The following CNTNAP2 variants were observed in gnomAD, a reference collection of about 807,000 sequenced individuals.
CNTNAP2 encodes the protein contactin-associated protein-like 2.
Under a neutral mutation model 155.2 loss-of-function variants are expected in CNTNAP2, and 98 were observed. The observed-to-expected ratio is 0.63, with a 90% CI of 0.54 to 0.75. The LOEUF (loss-of-function observed/expected upper bound fraction) is 0.75. Among genes scored for constraint, CNTNAP2 ranks in the 30% least tolerant of loss-of-function variants. The probability of loss-of-function intolerance (pLI) is 0.00; values close to 1 mark genes in which losing one functional copy is unlikely to be tolerated. For missense variants in CNTNAP2, 1,727 were observed against 1,688.1 expected (o/e 1.02, Z -0.40); for synonymous variants, 651 against 631.2 (o/e 1.03, Z -0.47).
chr7:146,762,459 C>T (rs182120487), intron 1 of CNTNAP2, among the ~76,000 whole-genome samples: 81 of 152,066 alleles, frequency 5.3e-4, no homozygotes, highest in African/African-American at 1.8e-3. Context: ...ATTAGCCGGA[C>T]GTGGTGGCAC....
At chr7:147,063,008 C>T (rs189292981) in intron 4 of CNTNAP2, among the ~76,000 whole-genome samples, 3 of 152,238 alleles carry the variant, frequency 2.0e-5, no homozygotes, top group East Asian at 1.9e-4. Context: ...ACTGGAGTCA[C>T]GGAGCCAGAA....
intron 4 of CNTNAP2, among the ~76,000 whole-genome samples, chr7:147,095,089 G>A (rs1345815580): frequency 3.3e-5 from 5 of 151,810 alleles, no homozygotes; most frequent in Non-Finnish European, 5.9e-5. Flanking sequence ...GCGCAGTCTC[G>A]GCTCACTGCA....
At chr7:147,732,910 G>C (rs926876144) in intron 13 of CNTNAP2, among the ~76,000 whole-genome samples, 1 of 152,196 alleles carries the variant, frequency 6.6e-6, no homozygotes, top group Non-Finnish European at 1.5e-5. Context: ...ATTTGTTTGA[G>C]TTCTTTGTAG....
intron 1 of CNTNAP2, among the ~76,000 whole-genome samples, chr7:146,444,425 A>G (rs933568307): frequency 1.3e-5 from 2 of 152,186 alleles, no homozygotes; most frequent in Non-Finnish European, 2.9e-5. Context: ...CAGGTAATAC[A>G]TAGATACAGG....
chr7:148,228,716 TA>T (rs36170566), intron 19 of CNTNAP2, among the ~76,000 whole-genome samples: 64,130 of 150,344 alleles, frequency 0.43, 13,970 homozygotes, highest in Middle Eastern at 0.49. Context: ...TAGTCCCAGC[TA>T]CTGGGGATGC....
chr7:146,616,119 G>A (rs1031617804), intron 1 of CNTNAP2, among the ~76,000 whole-genome samples: 2 of 152,064 alleles, frequency 1.3e-5, no homozygotes, highest in Non-Finnish European at 2.9e-5. Context: ...AGAAGGAAGA[G>A]CACAAAGTCT....
intron 1 of CNTNAP2, among the ~76,000 whole-genome samples, chr7:146,430,951 T>C (rs1392196488): frequency 6.6e-6 from 1 of 152,030 alleles, no homozygotes; most frequent in Non-Finnish European, 1.5e-5. Context: ...AGATGTTCTG[T>C]TAGGCTGTTT....
intron 15 of CNTNAP2, among the ~76,000 whole-genome samples, chr7:148,081,167 A>G (rs1346126124): frequency 6.6e-6 from 1 of 152,230 alleles, no homozygotes; most frequent in Non-Finnish European, 1.5e-5. Flanking sequence ...GATGCAATTC[A>G]TAGTAGGCCA....
chr7:147,033,707 T>C (rs905576151), intron 3 of CNTNAP2, among the ~76,000 whole-genome samples: 2 of 151,466 alleles, frequency 1.3e-5, no homozygotes, highest in Admixed American at 1.3e-4. Context: ...AGAGGTATGG[T>C]CTGAAACCTC....
intron 1 of CNTNAP2, among the ~76,000 whole-genome samples, chr7:146,310,770 C>T (rs73740429): frequency 0.023 from 3,456 of 152,134 alleles, 121 homozygotes; most frequent in African/African-American, 0.077. Flanking sequence ...TCCATTTATC[C>T]ATCCTACTTT....
At chr7:147,364,772 T>C (rs546201224) in intron 9 of CNTNAP2, among the ~76,000 whole-genome samples, 2 of 151,036 alleles carry the variant, frequency 1.3e-5, no homozygotes, top group Non-Finnish European at 3.0e-5. Flanking sequence ...TGGCGTGAAC[T>C]CGGGAGGCGG....
At chr7:146,913,485 T>C (rs527320051) in intron 3 of CNTNAP2, among the ~76,000 whole-genome samples, 1 of 152,304 alleles carries the variant, frequency 6.6e-6, no homozygotes, top group East Asian at 1.9e-4. Context: ...GAGTAATTTA[T>C]TTCTCACAGT....
At chr7:147,096,298 A>G (rs1179963333) in intron 4 of CNTNAP2, among the ~76,000 whole-genome samples, 1 of 152,204 alleles carries the variant, frequency 6.6e-6, no homozygotes, top group Non-Finnish European at 1.5e-5. Context: ...AATTGGAGTA[A>G]TTTAATTAAA....
intron 1 of CNTNAP2, among the ~76,000 whole-genome samples, chr7:146,771,755 C>A (rs546227550): frequency 6.4e-4 from 98 of 152,204 alleles, no homozygotes; most frequent in African/African-American, 2.3e-3. Flanking sequence ...TAATTCATTT[C>A]TCCAGTATCA....
intron 21 of CNTNAP2, among the ~76,000 whole-genome samples, chr7:148,292,134 T>G (rs1264266662): frequency 6.6e-6 from 1 of 152,208 alleles, no homozygotes; most frequent in Non-Finnish European, 1.5e-5. Flanking sequence ...TTGTTCTGTT[T>G]TTTGTAAAAG....
chr7:147,067,275 G>A (rs1299140067), intron 4 of CNTNAP2, among the ~76,000 whole-genome samples: 5 of 120,064 alleles, frequency 4.2e-5, no homozygotes, highest in Non-Finnish European at 6.5e-5. Context: ...TGGTGACAGA[G>A]TGAGACTCCG....
intron 3 of CNTNAP2, among the ~76,000 whole-genome samples, chr7:147,037,257 G>A (rs1356192673): frequency 1.3e-5 from 2 of 151,656 alleles, no homozygotes; most frequent in Admixed American, 6.6e-5. Context: ...ATGATAAAAA[G>A]CATCCATCAG....
chr7:148,390,502 A>G (rs6960342), intron 22 of CNTNAP2, among the ~76,000 whole-genome samples: 58,107 of 152,038 alleles, frequency 0.38, 11,646 homozygotes, highest in African/African-American at 0.45. Flanking sequence ...GTAAGGAATC[A>G]TATGGCCTTA....
intron 11 of CNTNAP2, among the ~76,000 whole-genome samples, chr7:147,529,540 GTT>G (rs72421450): frequency 6.8e-6 from 1 of 147,430 alleles, no homozygotes; most frequent in Non-Finnish European, 1.5e-5. Flanking sequence ...TAACAATGCT[GTT>G]TTTTTTTTGG....
Sources: gnomAD v4.1 joint callset for allele counts (sites outside exome capture counted in the v4.1 genomes callset) on GRCh38, gnomAD v4.1.1 for gene constraint, MANE v1.5 for transcripts, NCBI Gene and HGNC (gene_info 2026-07-23, HGNC 2026-07-21) for gene names.